Variants in DMD observed in about 807,000 individuals in gnomAD.
DMD encodes the protein mutant dystrophin.
Under a neutral mutation model 330.1 loss-of-function variants are expected in DMD, and 63 were observed. The observed-to-expected ratio is 0.19, with a 90% CI of 0.16 to 0.24. The LOEUF is 0.24. Ranked by LOEUF, DMD falls within the 10% of genes least tolerant of loss-of-function variation. The probability of loss-of-function intolerance (pLI) is 1.00; values close to 1 mark genes in which losing one functional copy is unlikely to be tolerated. For synonymous variants in DMD, 1,223 were observed against 959.8 expected (o/e 1.27, Z -5.07); for missense variants, 3,344 against 2,684.1 (o/e 1.25, Z -5.43).
At chrX:32,155,686 T>C (rs2096826785) in intron 44 of DMD, among the ~76,000 whole-genome samples, 1 of 111,484 alleles carries the variant, frequency 9.0e-6, no homozygotes, top group African/African-American at 3.3e-5. Flanking sequence ...TCCTTAACAA[T>C]TTAAAAAATA....
intron 2 of DMD, among the ~76,000 whole-genome samples, chrX:32,892,309 A>T (rs1408119539): frequency 8.9e-6 from 1 of 112,381 alleles, no homozygotes; most frequent in Non-Finnish European, 1.9e-5. Context: ...GCTACACATT[A>T]GCATCACCCG....
At chrX:31,410,202 T>C (rs1409321335) in intron 60 of DMD, among the ~76,000 whole-genome samples, 1 of 112,492 alleles carries the variant, frequency 8.9e-6, no homozygotes, top group African/African-American at 3.2e-5. Context: ...AATTTTGACC[T>C]TATTCATGCA....
intron 7 of DMD, among the ~76,000 whole-genome samples, chrX:32,790,239 A>AAAGGAAAAAG (rs1224019596): frequency 2.7e-5 from 3 of 111,882 alleles, no homozygotes; most frequent in Non-Finnish European, 5.6e-5. Context: ...AAAACCACTA[A>AAAGGAAAAAG]AAGGAAAAAG....
intron 1 of DMD, among the ~76,000 whole-genome samples, chrX:33,023,043 AAAT>A (rs1463963479): frequency 9.0e-6 from 1 of 111,639 alleles, no homozygotes; most frequent in Admixed American, 9.5e-5. Context: ...TTAATACTTC[AAAT>A]AATAATGCTT....
intron 11 of DMD, among the ~76,000 whole-genome samples, chrX:32,628,247 C>T (rs369476590): frequency 2.0e-5 from 1 of 49,343 alleles, no homozygotes; most frequent in Non-Finnish European, 3.6e-5. Context: ...TCCATGAGTT[C>T]AGTTGTTTTA....
At chrX:33,317,087 GA>G (rs2053943391) in intron 1 of DMD, among the ~76,000 whole-genome samples, 1 of 110,316 alleles carries the variant, frequency 9.1e-6, no homozygotes, top group Admixed American at 9.7e-5. Context: ...GCAATAATGG[GA>G]AAAATTAACG....
intron 18 of DMD, among the ~76,000 whole-genome samples, chrX:32,502,101 T>C (rs2044116966): frequency 9.0e-6 from 1 of 111,702 alleles, no homozygotes; most frequent in Non-Finnish European, 1.9e-5. Flanking sequence ...TAGTTTCTGA[T>C]ACATTTCAAC....
rs868381834 is a variant in DMD, at chrX:31,780,312, A to G, written c.7310-6120T>C. ...CTTTTTTTGTTTGCTTCACTTTTATATTTGAAAAATCACTCAACTTACAAA... is the reference window on the plus strand; with the variant it reads ...CTTTTTTTGTTTGCTTCACTTTTATGTTTGAAAAATCACTCAACTTACAAA... On this transcript the variant is annotated intron_variant, in intron 50 of 78. Coordinates refer to ENST00000357033, the MANE Select transcript of DMD (RefSeq NM_004006.3). 1.1e-4 allele frequency among the ~76,000 whole-genome samples: 12 copies of G among 112,241 alleles called. No homozygotes were observed. The South Asian group carries it at 1.5e-3, about 14-fold the overall frequency.
intron 7 of DMD, among the ~76,000 whole-genome samples, chrX:32,783,657 C>T (rs776232793): frequency 1.8e-5 from 2 of 109,730 alleles, no homozygotes; most frequent in Non-Finnish European, 3.8e-5. Flanking sequence ...TATTTACGTA[C>T]TATTTATATT....
chrX:32,935,528 G>A (rs898162488), intron 2 of DMD, among the ~76,000 whole-genome samples: 6 of 111,690 alleles, frequency 5.4e-5, no homozygotes, highest in East Asian at 2.8e-4. Context: ...AATATTCCAT[G>A]GTATGACCAT....
intron 48 of DMD, among the ~76,000 whole-genome samples, chrX:31,870,783 A>G (rs913178660): frequency 9.9e-5 from 11 of 111,621 alleles, no homozygotes; most frequent in African/African-American, 3.6e-4. Context: ...GCAGAGCCAC[A>G]TGTCATGTTT....
intron 2 of DMD, among the ~76,000 whole-genome samples, chrX:32,923,726 T>C (rs1005235252): frequency 2.7e-5 from 3 of 111,900 alleles, no homozygotes; most frequent in Non-Finnish European, 5.6e-5. Context: ...TTTCATCACA[T>C]GGATTTGTTA....
intron 76 of DMD, among the ~76,000 whole-genome samples, chrX:31,135,570 G>A (rs1003027563): frequency 9.0e-6 from 1 of 111,682 alleles, no homozygotes; most frequent in African/African-American, 3.3e-5. Flanking sequence ...ACCTATGGAT[G>A]GATGATATTC....
At chrX:32,865,756 A>G (rs140496012) in intron 2 of DMD, among the ~76,000 whole-genome samples, 4,367 of 112,347 alleles carry the variant, frequency 0.039, 142 homozygotes, top group African/African-American at 0.11. Context: ...GTTTAGGAAA[A>G]ACCAATATTG....
At chrX:32,330,460 A>T (rs1450748834) in intron 41 of DMD, among the ~76,000 whole-genome samples, 1 of 111,924 alleles carries the variant, frequency 8.9e-6, no homozygotes, top group Admixed American at 9.5e-5. Context: ...TGATTTAATT[A>T]TTTTTAACCA....
chrX:32,397,678 A>G lies in DMD; in HGVS notation c.4234-7497T>C, dbSNP rs995868824. 4.5e-5 allele frequency among the ~76,000 whole-genome samples: 5 copies of G among 111,671 alleles called. No individual in the cohort carries two copies. The Middle Eastern group carries it at 0.023, about 512-fold the overall frequency. ...AAGGGCAAAATTATAGAACCAAAAA[A>G]TCATTCAAACATTAATCACATTTTA... On this transcript the variant is annotated intron_variant, in intron 30 of 78. Transcript: ENST00000357033.
intron 6 of DMD, among the ~76,000 whole-genome samples, chrX:32,816,261 T>C (rs1349129510): frequency 8.9e-6 from 1 of 112,145 alleles, no homozygotes; most frequent in Non-Finnish European, 1.9e-5. Flanking sequence ...ATGTTAATGT[T>C]TCAACAACTG....
intron 1 of DMD, among the ~76,000 whole-genome samples, chrX:33,146,396 G>C (rs1414029219): frequency 1.8e-5 from 2 of 111,335 alleles, no homozygotes; most frequent in Non-Finnish European, 3.8e-5. Context: ...ATAAGTTGAA[G>C]GTATTAACAA....
intron 42 of DMD, among the ~76,000 whole-genome samples, chrX:32,296,955 C>G (rs964825016): frequency 1.8e-5 from 2 of 111,436 alleles, no homozygotes; most frequent in East Asian, 2.8e-4. Flanking sequence ...CATTAGCAGA[C>G]AGCTGGAAGC....
Sources: allele counts gnomAD v4.1 joint callset (sites outside exome capture counted in the v4.1 genomes callset), GRCh38; gene constraint gnomAD v4.1.1; transcripts MANE v1.5; gene names NCBI Gene and HGNC (gene_info 2026-07-23, HGNC 2026-07-21).